KDM5B: variants seen among roughly 807,000 people sequenced by gnomAD.
KDM5B encodes the protein lysine-specific demethylase 5B.
A neutral mutation model predicts 193.4 loss-of-function variants in KDM5B; 144 were observed. The ratio of observed to expected loss-of-function variants is 0.74; its 90% CI spans 0.65 to 0.86. KDM5B has a LOEUF of 0.86. KDM5B is among the 40% of genes least tolerant of loss of function. The pLI is 0.00. For synonymous variants in KDM5B, 668 were observed against 682.6 expected (o/e 0.98, Z 0.33); for missense variants, 1,833 against 1,886.9 (o/e 0.97, Z 0.53).
At position 202,741,481 on chromosome 1, in the gene KDM5B, AG is replaced by A; in HGVS notation, c.2830del (p.Leu944Ter). 6.2e-7 allele frequency: 1 copy of A among 1,614,152 alleles called. No individual in the cohort carries two copies. Among genetic ancestry groups the A allele is most frequent in the Non-Finnish European group, 8.5e-7 (1 of 1,179,974 alleles). On this transcript the variant is annotated frameshift_variant, in exon 19 of 27. Coordinates refer to ENST00000367265, the MANE Select transcript of KDM5B (RefSeq NM_006618.5). LOFTEE classifies it high-confidence loss of function. ...TGAATACGGGGCCAGCCCTACCCCT[AG>A]GTCTATGAGACGTCTCATATCATCT... The part of the protein sequence containing the change: ...TLDDMRRLID[L>X]GVGLAPYSAV...
rs772314356 is a variant in KDM5B, at chr1:202,729,883, T to C, written c.4321A>G (p.Ser1441Gly). 15 of 1,614,070 alleles carry C rather than the reference T, an allele frequency of 9.3e-6. No homozygotes were observed. The highest frequency in any genetic ancestry group is 8.5e-7 in the Non-Finnish European group (1 of 1,180,026). Reference sequence around the variant, plus strand: ...AAATTGTTCATGTCCTTGGGGTGGCTCAGTTTGATTTTCTTCTTTTTGGGG... The same window carrying C: ...AAATTGTTCATGTCCTTGGGGTGGCCCAGTTTGATTTTCTTCTTTTTGGGG... ...RTPKKKKIKL[S>G]HPKDMNNFKL... The change falls in exon 26 of 27, where the codon AGC (serine) becomes GGC (glycine). Residue 1441 changes from serine to glycine, a missense_variant. By Grantham distance (56) the Ser-to-Gly change is moderately conservative. Around this residue, in one of 3 missense-constraint regions of KDM5B, gnomAD observed 1,379 missense variants for 1,349.6 expected, o/e 1.02. Transcript: ENST00000367265.
intron 1 of KDM5B, among the ~76,000 whole-genome samples, chr1:202,800,704 ACT>A (rs1658037881): frequency 6.6e-6 from 1 of 152,064 alleles, no homozygotes; most frequent in South Asian, 2.1e-4. Flanking sequence ...CTAAATACCC[ACT>A]CTGACCAGAA....
Position 202,746,862 on chromosome 1 carries a change from T to C in KDM5B, c.2017-539A>G, listed in dbSNP as rs375181833. Reference sequence around the variant, plus strand: ...GAAAGGATATCATTAACTGAATAGTTAGAAAATTTGTGCAATAGCAAAGAC... The same window carrying C: ...GAAAGGATATCATTAACTGAATAGTCAGAAAATTTGTGCAATAGCAAAGAC... On this transcript the variant is annotated intron_variant, in intron 14 of 26. Transcript: ENST00000367265. Among the ~76,000 whole-genome samples the C allele has an allele frequency of 1.1e-4, 16 of 152,354 alleles. No individual in the cohort carries two copies. In the East Asian group the frequency reaches 2.1e-3, roughly 20 times the overall value.
intron 4 of KDM5B, among the ~76,000 whole-genome samples, chr1:202,768,530 T>G (rs1656568522): frequency 6.6e-6 from 1 of 152,034 alleles, no homozygotes. Context: ...CAAAATAAAG[T>G]ACAAAGCAAC....
chr1:202,759,931 T>C (rs544678600), intron 8 of KDM5B, among the ~76,000 whole-genome samples: 1 of 152,328 alleles, frequency 6.6e-6, no homozygotes, highest in South Asian at 2.1e-4. Flanking sequence ...CCACATACAT[T>C]GTGGAACTCA....
At chr1:202,808,036 C>A in intron 1 of KDM5B, 66 bp downstream of exon 1, 5 of 1,535,286 alleles carry the variant, frequency 3.3e-6, no homozygotes, top group Non-Finnish European at 4.4e-6. Context: ...CGGGCCTCCC[C>A]GGACCCGCGC....
At chr1:202,799,488 T>C (rs1657988130) in intron 1 of KDM5B, among the ~76,000 whole-genome samples, 1 of 152,034 alleles carries the variant, frequency 6.6e-6, no homozygotes, top group South Asian at 2.1e-4. Flanking sequence ...ACCCCATCTC[T>C]ACTAAAAATA....
At chr1:202,784,568 T>C (rs1380418962) in intron 1 of KDM5B, among the ~76,000 whole-genome samples, 2 of 152,226 alleles carry the variant, frequency 1.3e-5, no homozygotes, top group African/African-American at 4.8e-5. Context: ...GTCAGTAATA[T>C]GCCCTTAAAA....
At position 202,797,893 on chromosome 1, in the gene KDM5B, A is replaced by T. The variant is rs1337186819; in HGVS notation, c.204+10209T>A. The stretch of plus-strand genomic sequence containing the variant: ...CCTTTTAAAACATGTTAATCTCACT[A>T]ATCTGTTTAGGGACAGGCCGGGCAT... On this transcript the variant is annotated intron_variant, in intron 1 of 26. Transcript: ENST00000367265. Among the ~76,000 whole-genome samples the T allele has an allele frequency of 2.6e-5, 4 of 152,222 alleles. No homozygotes were observed. In the South Asian group the frequency reaches 8.3e-4, roughly 31 times the overall value.
At chr1:202,758,686 G>A (rs1257219203) in intron 8 of KDM5B, among the ~76,000 whole-genome samples, 176 bp from the exon 9 acceptor site, 1 of 152,060 alleles carries the variant, frequency 6.6e-6, no homozygotes, top group Non-Finnish European at 1.5e-5. Flanking sequence ...ATAAGCAAGT[G>A]AAATACATTT....
At chr1:202,729,374 G>A (rs554531741) in intron 26 of KDM5B, 12 of 641,422 alleles carry the variant, frequency 1.9e-5, no homozygotes, top group Admixed American at 5.5e-5. Context: ...TCTTCAAGTC[G>A]TGTCTGCTTT....
At chr1:202,771,876 G>A (rs1001111321) in intron 4 of KDM5B, among the ~76,000 whole-genome samples, 8 of 152,034 alleles carry the variant, frequency 5.3e-5, no homozygotes, top group Admixed American at 5.2e-4. Flanking sequence ...CATCGCGCCC[G>A]GCTCACATTC....
intron 6 of KDM5B, among the ~76,000 whole-genome samples, chr1:202,763,149 A>C (rs947930118): frequency 6.6e-6 from 1 of 152,212 alleles, no homozygotes; most frequent in Non-Finnish European, 1.5e-5. Context: ...AGAGACCAAC[A>C]GTTCACCAAC....
Position 202,733,606 on chromosome 1 carries a change from A to G in KDM5B, c.3704T>C (p.Leu1235Pro), listed in dbSNP as rs1187556205. The change falls in exon 23 of 27, where the codon CTG (leucine) becomes CCG (proline). Residue 1235 changes from leucine to proline, a missense_variant. Leu to Pro is a moderately conservative substitution (Grantham distance 98). This residue lies in a region of KDM5B where 1,379 missense variants were observed against 1,349.6 expected (regional missense o/e 1.02). Transcript: ENST00000367265. ...TCGGATACGCTGAAGGGAGGCGAGC[A>G]GGGGCAGAATTTTCTCTAATGGAGG... ...EKPPLEKILP[L>P]LASLQRIRVR... 6.2e-7 allele frequency: 1 copy of G among 1,614,054 alleles called. No individual in the cohort carries two copies. The highest frequency in any genetic ancestry group is 8.5e-7 in the Non-Finnish European group (1 of 1,180,038).
Position 202,745,999 on chromosome 1 carries a change from C to G in KDM5B, c.2199-17G>C. On this transcript the variant is annotated splice_polypyrimidine_tract_variant and intron_variant, in intron 15 of 26. Transcript: ENST00000367265. ...TACCTATACCTGGAAATAATACCAC[C>G]ACACTTAGCTTTGAGACGTGTAGCT... 3.1e-6 allele frequency: 5 copies of G among 1,613,742 alleles called. No individual in the cohort carries two copies. Among genetic ancestry groups the G allele is most frequent in the Non-Finnish European group, 4.2e-6 (5 of 1,179,736 alleles).
intron 4 of KDM5B, among the ~76,000 whole-genome samples, chr1:202,767,916 G>T (rs74901186): frequency 5.3e-5 from 8 of 151,998 alleles, no homozygotes; most frequent in African/African-American, 1.9e-4. Context: ...TTTAACAAGT[G>T]TTCGGAATAA....
Position 202,728,920 on chromosome 1 carries a change from G to A in KDM5B, c.*116C>T. The A allele has an allele frequency of 8.4e-7, 1 of 1,186,086 alleles. No homozygotes were observed. Among genetic ancestry groups the A allele is most frequent in the East Asian group, 2.4e-5 (1 of 42,514 alleles). The allele number at this position is 1,186,086 out of a possible 1,614,324, so 73.5% of individuals were successfully genotyped here. Reference sequence around the variant, plus strand: ...AATGATCCCATAAGGAATAGAAATAGCACCGTTTACAGGCTGGCTTGAGTA... The same window carrying A: ...AATGATCCCATAAGGAATAGAAATAACACCGTTTACAGGCTGGCTTGAGTA... On this transcript the variant is annotated 3_prime_UTR_variant, in exon 27 of 27. Transcript: ENST00000367265.
At chr1:202,749,472 G>A (rs546557630) in intron 13 of KDM5B, among the ~76,000 whole-genome samples, 1 of 152,242 alleles carries the variant, frequency 6.6e-6, no homozygotes, top group South Asian at 2.1e-4. Context: ...TGGAAGGATT[G>A]CTTGAGCCTG....
chr1:202,775,867 A>AT (rs1335388889), intron 2 of KDM5B, among the ~76,000 whole-genome samples: 6 of 126,046 alleles, frequency 4.8e-5, no homozygotes, highest in African/African-American at 1.7e-4. Context: ...AAAAAAAAAA[A>AT]AAAAAAAAAA....
Sources: allele counts gnomAD v4.1 joint callset (sites outside exome capture counted in the v4.1 genomes callset), GRCh38; gene constraint gnomAD v4.1.1; regional missense constraint gnomAD v4.1.1; transcripts MANE v1.5; gene names NCBI Gene and HGNC (gene_info 2026-07-23, HGNC 2026-07-21).